The following LRBA variants were observed in gnomAD, a reference collection of about 807,000 sequenced individuals.
LRBA encodes the protein LPS responsive beige-like anchor protein.
In LRBA, 176 loss-of-function variants were observed where a neutral mutation model predicts 330.0. The ratio of observed to expected loss-of-function variants is 0.53; its 90% CI spans 0.47 to 0.60. The LOEUF is 0.60. LRBA is among the 20% of genes least tolerant of loss of function. The pLI is 0.00. For missense variants in LRBA, 3,259 were observed against 3,444.8 expected (o/e 0.95, Z 1.35); for synonymous variants, 1,230 against 1,193.0 (o/e 1.03, Z -0.64).
chr4:150,488,588 A>G (rs1172567141), intron 41 of LRBA, among the ~76,000 whole-genome samples: 1 of 151,496 alleles, frequency 6.6e-6, no homozygotes, highest in African/African-American at 2.4e-5. Context: ...ATTTTTACCC[A>G]TTTAAAGAAC....
At chr4:150,814,431 T>C (rs1169715423) in intron 31 of LRBA, among the ~76,000 whole-genome samples, 2 of 151,962 alleles carry the variant, frequency 1.3e-5, no homozygotes, top group African/African-American at 2.4e-5. Flanking sequence ...AGATTTTTCT[T>C]ATCAAGGCAG....
chr4:150,423,077 C>A (rs1749044547), intron 46 of LRBA: 2 of 803,430 alleles, frequency 2.5e-6, no homozygotes, highest in Middle Eastern at 2.2e-4. Flanking sequence ...GTGGGTGTGA[C>A]CTCTGGGGAA....
At chr4:150,861,667 A>C (rs553840280) in intron 22 of LRBA, among the ~76,000 whole-genome samples, 20 of 152,276 alleles carry the variant, frequency 1.3e-4, no homozygotes, top group African/African-American at 4.6e-4. Context: ...GGCTACACTA[A>C]ATTTATTTTT....
intron 36 of LRBA, among the ~76,000 whole-genome samples, chr4:150,732,409 AACAAT>A (rs1445377105): frequency 1.3e-4 from 20 of 152,170 alleles, no homozygotes; most frequent in Non-Finnish European, 2.7e-4. Context: ...ACTTTCTGTT[AACAAT>A]ACAAAAGAAC....
chr4:150,429,561 A>G (rs753481480), intron 46 of LRBA, among the ~76,000 whole-genome samples: 47 of 152,270 alleles, frequency 3.1e-4, no homozygotes, highest in Non-Finnish European at 5.3e-4. Context: ...AGTTTTGAAC[A>G]TGTTAAATTT....
At position 150,338,966 on chromosome 4, in the gene LRBA, T is replaced by TACACACAC. The variant is rs200463218; in HGVS notation, c.7362+11018_7362+11025dup. Among the ~76,000 whole-genome samples the TACACACAC allele has an allele frequency of 8.1e-4, 121 of 148,720 alleles. No homozygotes were observed. In the Middle Eastern group the frequency reaches 0.01, roughly 13 times the overall value. On this transcript the variant is annotated intron_variant, in intron 48 of 56. Coordinates refer to ENST00000651943, the MANE Select transcript of LRBA (RefSeq NM_001364905.1). The stretch of plus-strand genomic sequence containing the variant: ...AGCACTTTGTATAACTATTTAATTA[T>TACACACAC]ACACACACACACACACACACACACA...
At chr4:150,874,662 G>A (rs1375564605) in intron 17 of LRBA, among the ~76,000 whole-genome samples, 1 of 152,078 alleles carries the variant, frequency 6.6e-6, no homozygotes, top group Non-Finnish European at 1.5e-5. Context: ...TGGTGCAGCA[G>A]GGCCCTCTCT....
Position 150,264,595 on chromosome 4 carries a change from C to CTGAG in LRBA, c.*1123_*1126dup, listed in dbSNP as rs1253175540. The CTGAG allele has an allele frequency of 6.6e-6, 1 of 152,334 alleles. No individual in the cohort carries two copies. Among genetic ancestry groups the CTGAG allele is most frequent in the South Asian group, 2.1e-4 (1 of 4,820 alleles). The allele number at this position is 152,334 out of a possible 1,614,324, so 9.4% of individuals were successfully genotyped here. ...CCAAATCCTTGCTTTTAGAGAAGAG[C>CTGAG]TGAGTGTGTAGGAAAAAAAGAGGGA... On this transcript the variant is annotated 3_prime_UTR_variant, in exon 57 of 57. Coordinates refer to ENST00000651943, the MANE Select transcript of LRBA (RefSeq NM_001364905.1).
chr4:150,908,487 A>T lies in LRBA; in HGVS notation c.1360-20T>A, dbSNP rs1424554220. 1 of 1,572,982 alleles carries T rather than the reference A, an allele frequency of 6.4e-7. No individual in the cohort carries two copies. On this transcript the variant is annotated intron_variant, in intron 10 of 56. Transcript: ENST00000651943. ...TACATCCTTGTAAGATCAAAAACAC[A>T]GTAAAGAGTTCAATGATTTTTTTTC...
chr4:150,955,140 T>C (rs1266444283), intron 2 of LRBA, among the ~76,000 whole-genome samples: 1 of 148,626 alleles, frequency 6.7e-6, no homozygotes, highest in Admixed American at 6.6e-5. Context: ...CCAGGTGTGG[T>C]GGCACATGCC....
rs1384014823 is a variant in LRBA at position 150,516,215 on chromosome 4, C to CTTTTTTTT, written c.6331-25181_6331-25180insAAAAAAAA. On this transcript the variant is annotated intron_variant, in intron 40 of 56. Transcript: ENST00000651943. ...GTAATTCAGTCTGACATTTTCTATT[C>CTTTTTTTT]TCTTTTTTTTTTTTTTTTTTTTTTT... 1.0e-3 allele frequency among the ~76,000 whole-genome samples: 90 copies of CTTTTTTTT among 86,670 alleles called. 17 individuals are homozygous for CTTTTTTTT. The highest frequency in any genetic ancestry group is 1.5e-3 in the East Asian group (4 of 2,740). 56.9% of individuals were successfully genotyped at this position (86,670 alleles called of 152,430 possible).
intron 34 of LRBA, among the ~76,000 whole-genome samples, chr4:150,772,360 A>G (rs1736699310): frequency 6.6e-6 from 1 of 152,144 alleles, no homozygotes. Flanking sequence ...AAGAGAAGGT[A>G]GTGTAGCAGA....
At chr4:151,005,374 G>A (rs1226520598) in intron 2 of LRBA, among the ~76,000 whole-genome samples, 1 of 133,090 alleles carries the variant, frequency 7.5e-6, no homozygotes, top group African/African-American at 2.9e-5. Context: ...GGAGGCGGAG[G>A]TTGCAGTGAG....
chr4:150,443,847 T>TAAA (rs376721928), intron 44 of LRBA, among the ~76,000 whole-genome samples: 17,166 of 53,082 alleles, frequency 0.32, 3,413 homozygotes, highest in Non-Finnish European at 0.4. Flanking sequence ...AAAGTATAAT[T>TAAA]AAAAAAATAT....
At chr4:150,788,219 C>A (rs1055861895) in intron 34 of LRBA, among the ~76,000 whole-genome samples, 2 of 148,112 alleles carry the variant, frequency 1.4e-5, no homozygotes, top group Non-Finnish European at 3.0e-5. Context: ...ACTACAGGCA[C>A]ACACTACCAC....
intron 38 of LRBA, among the ~76,000 whole-genome samples, chr4:150,597,304 G>C (rs955029326): frequency 1.3e-5 from 2 of 151,712 alleles, no homozygotes; most frequent in Admixed American, 1.3e-4. Context: ...ATGATTTTAA[G>C]AGCTCAACAA....
chr4:150,956,038 A>C (rs531258825), intron 2 of LRBA, among the ~76,000 whole-genome samples: 1 of 149,350 alleles, frequency 6.7e-6, no homozygotes, highest in East Asian at 1.9e-4. Flanking sequence ...TTAACAATAT[A>C]AAATTAGTGG....
At chr4:150,697,995 T>C (rs1030663036) in intron 36 of LRBA, among the ~76,000 whole-genome samples, 2 of 152,160 alleles carry the variant, frequency 1.3e-5, no homozygotes, top group East Asian at 3.8e-4. Flanking sequence ...TATAAAAAGG[T>C]AAGTAGAAGG....
intron 2 of LRBA, among the ~76,000 whole-genome samples, chr4:151,007,259 T>C (rs1304406837): frequency 1.3e-5 from 2 of 152,152 alleles, no homozygotes; most frequent in Non-Finnish European, 1.5e-5. Flanking sequence ...CCCAGCACCT[T>C]GGGAGGCCGA....
Sources: gnomAD v4.1 joint callset for allele counts (sites outside exome capture counted in the v4.1 genomes callset) on GRCh38, gnomAD v4.1.1 for gene constraint, MANE v1.5 for transcripts, NCBI Gene and HGNC (gene_info 2026-07-23, HGNC 2026-07-21) for gene names.